The following CSMD1 variants were observed in gnomAD, a reference collection of about 807,000 sequenced individuals.
CSMD1 encodes the protein CUB and Sushi multiple domains 1.
A neutral mutation model predicts 417.5 loss-of-function variants in CSMD1; 213 were observed. The observed-to-expected ratio is 0.51, with a 90% confidence interval of 0.46 to 0.57. The LOEUF is 0.57. Ranked by LOEUF, CSMD1 falls within the 20% of genes least tolerant of loss-of-function variation. The pLI is 0.00. For synonymous variants in CSMD1, 2,862 were observed against 1,736.8 expected, an observed-to-expected ratio of 1.65 and a Z score of -16.11; for missense variants, 6,923 against 4,529.7, an observed-to-expected ratio of 1.53 and a Z score of -15.17.
At chr8:3,579,875 G>A (rs1471811089) in intron 9 of CSMD1, among the ~76,000 whole-genome samples, 3 of 152,166 alleles carry the variant, frequency 2.0e-5, no homozygotes, top group African/African-American at 4.8e-5. Context: ...AGGCTGAGGC[G>A]GGTGGATTAC....
intron 2 of CSMD1, among the ~76,000 whole-genome samples, chr8:4,436,893 C>A (rs959200491): frequency 1.3e-5 from 2 of 152,086 alleles, no homozygotes; most frequent in African/African-American, 4.8e-5. Flanking sequence ...GTTTAAGAAC[C>A]ACATTTTCTT....
At chr8:4,731,527 T>C (rs563650577) in intron 1 of CSMD1, among the ~76,000 whole-genome samples, 49 of 152,330 alleles carry the variant, frequency 3.2e-4, no homozygotes, top group African/African-American at 1.2e-3. Context: ...TCCATTTATC[T>C]ATTTGTTCTT....
In CSMD1 at chr8:4,568,150, A is replaced by T. The variant is rs555096034; in HGVS notation, c.302+69192T>A. On this transcript the variant is annotated intron_variant, in intron 2 of 69. Coordinates refer to ENST00000635120, the MANE Select transcript of CSMD1 (RefSeq NM_033225.6). ...TCTAAGATGCTTTGTGTGTCTTTTT[A>T]AAAAAATATATAAGTTATGGGATAC... Among the ~76,000 whole-genome samples, 236 of 152,260 alleles carry T rather than the reference A, an allele frequency of 1.5e-3. 3 individuals carry two copies. The highest frequency in any genetic ancestry group is 7.6e-4 in the Non-Finnish European group (52 of 68,018).
At chr8:4,474,800 G>A (rs1420356596) in intron 2 of CSMD1, among the ~76,000 whole-genome samples, 1 of 152,134 alleles carries the variant, frequency 6.6e-6, no homozygotes, top group Non-Finnish European at 1.5e-5. Context: ...AGACCATGAG[G>A]AGGAAGAATT....
Position 3,050,543 on chromosome 8 carries a change from G to C in CSMD1, c.7660+1919C>G, listed in dbSNP as rs150688806. 4.1e-3 allele frequency among the ~76,000 whole-genome samples: 628 copies of C among 152,240 alleles called. 10 individuals are homozygous for C. Among genetic ancestry groups the C allele is most frequent in the African/African-American group, 0.014 (593 of 41,528 alleles). ...GCCATCTGTTAAGTTCCTATTTTGA[G>C]AGAATAGTTCTGTTTAGGACTGAAC... On this transcript the variant is annotated intron_variant, in intron 50 of 69. Coordinates refer to ENST00000635120, the MANE Select transcript of CSMD1 (RefSeq NM_033225.6).
chr8:3,839,854 C>T (rs773008544), intron 5 of CSMD1, among the ~76,000 whole-genome samples: 15 of 151,738 alleles, frequency 9.9e-5, no homozygotes, highest in Non-Finnish European at 1.5e-4. Context: ...ATGGCCTCTT[C>T]TACGGGCGGC....
intron 3 of CSMD1, among the ~76,000 whole-genome samples, chr8:4,396,289 T>C (rs1804204677): frequency 1.4e-5 from 2 of 143,970 alleles, no homozygotes; most frequent in African/African-American, 5.5e-5. Flanking sequence ...CAGTGAGACA[T>C]CATCTCTTAA....
chr8:4,703,805 C>T (rs1251579855), intron 1 of CSMD1, among the ~76,000 whole-genome samples: 2 of 152,146 alleles, frequency 1.3e-5, no homozygotes, highest in African/African-American at 2.4e-5. Flanking sequence ...TCATCAAGCT[C>T]AACAGTCCCC....
At chr8:3,882,740 C>G (rs1448946219) in intron 5 of CSMD1, among the ~76,000 whole-genome samples, 1 of 152,142 alleles carries the variant, frequency 6.6e-6, no homozygotes, top group Non-Finnish European at 1.5e-5. Context: ...AGGTGAATGT[C>G]ACAAACATAA....
chr8:4,705,334 A>G (rs149078535), intron 1 of CSMD1, among the ~76,000 whole-genome samples: 1 of 152,294 alleles, frequency 6.6e-6, no homozygotes, highest in African/African-American at 2.4e-5. Flanking sequence ...TAGAGACTCC[A>G]TTCTAAGAAC....
chr8:4,565,219 A>G (rs921703929), intron 2 of CSMD1, among the ~76,000 whole-genome samples: 5 of 152,224 alleles, frequency 3.3e-5, no homozygotes, highest in African/African-American at 1.2e-4. Context: ...CTATGTAATA[A>G]CTTCAAGGGA....
chr8:4,551,307 CTT>C (rs1276333322), intron 2 of CSMD1, among the ~76,000 whole-genome samples: 2 of 152,128 alleles, frequency 1.3e-5, no homozygotes, highest in African/African-American at 4.8e-5. Flanking sequence ...AACCCAATCT[CTT>C]GTCTTCTCAT....
At chr8:4,823,687 C>G (rs1799647089) in intron 1 of CSMD1, among the ~76,000 whole-genome samples, 1 of 151,950 alleles carries the variant, frequency 6.6e-6, no homozygotes, top group Admixed American at 6.6e-5. Context: ...AAGTAATTCT[C>G]TATGGTGAGA....
chr8:3,284,966 T>G (rs1394769373), intron 25 of CSMD1, among the ~76,000 whole-genome samples: 1 of 152,178 alleles, frequency 6.6e-6, no homozygotes, highest in Non-Finnish European at 1.5e-5. Flanking sequence ...TCTATTAGAC[T>G]TCCAGGTATT....
At chr8:3,523,882 CAT>C (rs1261658875) in intron 10 of CSMD1, among the ~76,000 whole-genome samples, 1 of 150,464 alleles carries the variant, frequency 6.6e-6, no homozygotes, top group Non-Finnish European at 1.5e-5. Flanking sequence ...CATGCACACA[CAT>C]GCACAGAGAC....
intron 5 of CSMD1, among the ~76,000 whole-genome samples, chr8:3,965,962 A>T (rs1308276937): frequency 6.6e-6 from 1 of 152,248 alleles, no homozygotes; most frequent in Non-Finnish European, 1.5e-5. Context: ...AGGTCTTTTG[A>T]GAAAGCATAA....
At chr8:3,921,321 C>T (rs1809243848) in intron 5 of CSMD1, among the ~76,000 whole-genome samples, 1 of 151,906 alleles carries the variant, frequency 6.6e-6, no homozygotes, top group African/African-American at 2.4e-5. Flanking sequence ...AAGAGTTTAT[C>T]ATTTTTGTCT....
chr8:3,687,661 C>A (rs183058734), intron 7 of CSMD1, among the ~76,000 whole-genome samples: 1 of 152,128 alleles, frequency 6.6e-6, no homozygotes, highest in Non-Finnish European at 1.5e-5. Flanking sequence ...GAGTGGCGCA[C>A]GCTAGGACCG....
intron 1 of CSMD1, among the ~76,000 whole-genome samples, chr8:4,711,151 T>C (rs1808267597): frequency 6.7e-6 from 1 of 148,268 alleles, no homozygotes; most frequent in Non-Finnish European, 1.5e-5. Flanking sequence ...TCTCAACAAT[T>C]TTCTCACAAA....
Sources: allele counts gnomAD v4.1 joint callset (sites outside exome capture counted in the v4.1 genomes callset), GRCh38; gene constraint gnomAD v4.1.1; transcripts MANE v1.5; gene names NCBI Gene and HGNC (gene_info 2026-07-23, HGNC 2026-07-21).